The following LIPC variants were observed in gnomAD, a reference collection of about 807,000 sequenced individuals.
LIPC encodes the protein hepatic triacylglycerol lipase.
Under a neutral mutation model 50.7 loss-of-function variants are expected in LIPC, and 44 were observed. The ratio of observed to expected loss-of-function variants is 0.87; its 90% CI spans 0.68 to 1.11. LIPC has a LOEUF of 1.11. LIPC is among the 50% of genes most tolerant of loss of function. The pLI is 0.00. For missense variants in LIPC, 697 were observed against 648.2 expected, an observed-to-expected ratio of 1.08 and a Z score of -0.82; for synonymous variants, 271 against 256.4, an observed-to-expected ratio of 1.06 and a Z score of -0.54.
chr15:58,523,003 G>T (rs756360443), intron 1 of LIPC: 6 of 152,322 alleles, frequency 3.9e-5, no homozygotes, highest in Non-Finnish European at 8.8e-5. Context: ...ACCGGCTGCT[G>T]GGGAAGCATC....
chr15:58,438,137 G>A (rs544500070), intron 1 of LIPC, among the ~76,000 whole-genome samples: 8 of 152,254 alleles, frequency 5.3e-5, no homozygotes, highest in African/African-American at 1.7e-4. Flanking sequence ...TCTGGTACCT[G>A]GCTACCCACG....
chr15:58,523,374 G>A (rs1336086397), intron 1 of LIPC: 1 of 84,820 alleles, frequency 1.2e-5, no homozygotes, highest in Non-Finnish European at 3.1e-5. Context: ...GAAATCAAGG[G>A]CCACTAGGAC....
At chr15:58,433,381 C>A (rs200524815) in intron 1 of LIPC, among the ~76,000 whole-genome samples, 1 of 152,234 alleles carries the variant, frequency 6.6e-6, no homozygotes. Context: ...TACCCCAAAG[C>A]CTTCCTTGTG....
intron 1 of LIPC, among the ~76,000 whole-genome samples, chr15:58,506,813 T>G (rs1892165464): frequency 6.6e-6 from 1 of 152,156 alleles, no homozygotes; most frequent in Non-Finnish European, 1.5e-5. Flanking sequence ...ACACTGCTAA[T>G]AAAGACATAT....
At chr15:58,563,429 C>T (rs1894236300) in intron 7 of LIPC, 76 bp from the exon 8 acceptor site, 2 of 1,222,472 alleles carry the variant, frequency 1.6e-6, no homozygotes, top group Admixed American at 1.7e-5. Context: ...AAACACAACA[C>T]ATCCTGAATG....
At chr15:58,561,348 G>A (rs890581133) in intron 7 of LIPC, among the ~76,000 whole-genome samples, 3 of 152,174 alleles carry the variant, frequency 2.0e-5, no homozygotes, top group Non-Finnish European at 4.4e-5. Flanking sequence ...GAGCTTCCAA[G>A]TCATGGGTGC....
At position 58,569,075 on chromosome 15, in the gene LIPC, A is replaced by G. The variant is rs1478885557; in HGVS notation, c.*248A>G. The G allele has an allele frequency of 9.2e-6, 3 of 325,298 alleles. No homozygotes were observed. The highest frequency in any genetic ancestry group is 2.1e-5 in the African/African-American group (1 of 47,194). The allele number at this position is 325,298 out of a possible 1,614,324, so 20.2% of individuals were successfully genotyped here. On this transcript the variant is annotated 3_prime_UTR_variant, in exon 9 of 9. Coordinates refer to ENST00000299022, the MANE Select transcript of LIPC (RefSeq NM_000236.3). ...TCTGGTTAAATGTTAATATATGCAA[A>G]TAAGTACAAATGCAAGAGCCATTTT...
intron 6 of LIPC, among the ~76,000 whole-genome samples, chr15:58,553,812 A>C (rs891794581): frequency 1.3e-5 from 2 of 152,188 alleles, no homozygotes; most frequent in Non-Finnish European, 2.9e-5. Context: ...CCTTGCCGGC[A>C]CTGGCTGCCT....
Position 58,477,207 on chromosome 15 carries a change from C to A in LIPC, c.88+45087C>A, listed in dbSNP as rs542781521. Among the ~76,000 whole-genome samples, 41 of 152,336 alleles carry A rather than the reference C, an allele frequency of 2.7e-4. No individual in the cohort carries two copies. In the South Asian group the frequency reaches 8.3e-3, roughly 31 times the overall value. On this transcript the variant is annotated intron_variant, in intron 1 of 8. Transcript: ENST00000299022. ...AGGAAAGCAGCTTTGCTATCTCCTA[C>A]CTTTTTAAACAAAATCTGCCTTGAT...
intron 1 of LIPC, among the ~76,000 whole-genome samples, chr15:58,469,313 T>A (rs1285236496): frequency 6.6e-6 from 1 of 152,168 alleles, no homozygotes; most frequent in East Asian, 1.9e-4. Flanking sequence ...GAATATAGTT[T>A]TTTGAGCATG....
intron 1 of LIPC, among the ~76,000 whole-genome samples, chr15:58,507,032 C>A (rs773990881): frequency 1.2e-4 from 19 of 152,142 alleles, no homozygotes; most frequent in Admixed American, 5.9e-4. Context: ...CGTGAGAACT[C>A]ACTGTCACAA....
chr15:58,477,829 CAT>C (rs1393582353), intron 1 of LIPC, among the ~76,000 whole-genome samples: 2 of 152,030 alleles, frequency 1.3e-5, no homozygotes, highest in Non-Finnish European at 2.9e-5. Context: ...GGATTTTTAC[CAT>C]GTCACTTCCC....
intron 1 of LIPC, among the ~76,000 whole-genome samples, chr15:58,487,175 G>T (rs770969162): frequency 1.2e-4 from 18 of 152,182 alleles, no homozygotes; most frequent in Non-Finnish European, 2.4e-4. Flanking sequence ...TTCAAAGGTG[G>T]TTCTTACACA....
At chr15:58,443,613 GCTCCTCGGTGA>G (rs1893580412) in intron 1 of LIPC, among the ~76,000 whole-genome samples, 1 of 152,178 alleles carries the variant, frequency 6.6e-6, no homozygotes, top group Non-Finnish European at 1.5e-5. Context: ...ACCCTCCACG[GCTCCTCGGTGA>G]CTTAGTAGTA....
At chr15:58,524,086 T>TG (rs1204427487) in intron 1 of LIPC, among the ~76,000 whole-genome samples, 1 of 152,044 alleles carries the variant, frequency 6.6e-6, no homozygotes, top group African/African-American at 2.4e-5. Flanking sequence ...TTTCCCACCA[T>TG]GGGTAACCAC....
At chr15:58,543,140 T>C (rs969966153) in intron 4 of LIPC, among the ~76,000 whole-genome samples, 4 of 152,108 alleles carry the variant, frequency 2.6e-5, no homozygotes, top group Non-Finnish European at 4.4e-5. Flanking sequence ...CCAAACTCCA[T>C]ACACACTCAG....
chr15:58,494,294 G>A (rs1891692023), intron 1 of LIPC, among the ~76,000 whole-genome samples: 1 of 152,336 alleles, frequency 6.6e-6, no homozygotes, highest in Admixed American at 6.5e-5. Flanking sequence ...CTGGTGCAAT[G>A]TGGGAGAGGA....
intron 1 of LIPC, among the ~76,000 whole-genome samples, chr15:58,517,420 T>C (rs1339875320): frequency 6.6e-6 from 1 of 152,244 alleles, no homozygotes; most frequent in African/African-American, 2.4e-5. Context: ...CTAAGTCTCT[T>C]ATGTGGCAAA....
chr15:58,458,246 AGG>A (rs1284381334), intron 1 of LIPC, among the ~76,000 whole-genome samples: 2 of 152,138 alleles, frequency 1.3e-5, no homozygotes, highest in African/African-American at 2.4e-5. Flanking sequence ...TGAGGTCATC[AGG>A]AAGTGCTTCC....
Sources: allele counts gnomAD v4.1 joint callset (sites outside exome capture counted in the v4.1 genomes callset), GRCh38; gene constraint gnomAD v4.1.1; transcripts MANE v1.5; gene names NCBI Gene and HGNC (gene_info 2026-07-23, HGNC 2026-07-21).